CACNG3: variants seen among roughly 807,000 people sequenced by gnomAD.
The protein encoded by CACNG3 is calcium voltage-gated channel auxiliary subunit gamma 3, also known as voltage-dependent calcium channel gamma-3 subunit.
Under a neutral mutation model 28.5 loss-of-function variants are expected in CACNG3, and 3 were observed. That is an observed-to-expected ratio of 0.11 (90% CI 0.05 to 0.27). The LOEUF (loss-of-function observed/expected upper bound fraction) is 0.27. Among genes scored for constraint, CACNG3 ranks in the 10% least tolerant of loss-of-function variants. The pLI is 1.00. For missense variants in CACNG3, 236 were observed against 414.4 expected (o/e 0.57, Z 3.74); for synonymous variants, 174 against 162.2 (o/e 1.07, Z -0.55).
intron 1 of CACNG3, among the ~76,000 whole-genome samples, chr16:24,257,401 GAGAGAGAGAGAGAGAGAGAGA>G (rs1898478127): frequency 6.8e-6 from 1 of 146,658 alleles, no homozygotes; most frequent in African/African-American, 2.5e-5. Context: ...GAGAGAGAGA[GAGAGAGAGAGAGAGAGAGAGA>G]GAGAGATCCT....
At chr16:24,272,430 C>T (rs1462897518) in intron 1 of CACNG3, among the ~76,000 whole-genome samples, 1 of 151,646 alleles carries the variant, frequency 6.6e-6, no homozygotes, top group Non-Finnish European at 1.5e-5. Context: ...TTTTTTCTTT[C>T]AGTTCAAATT....
At chr16:24,354,715 G>A in intron 2 of CACNG3, 118 bp from the exon 3 acceptor site, 2 of 1,004,346 alleles carry the variant, frequency 2.0e-6, no homozygotes, top group Non-Finnish European at 3.0e-6. Context: ...GCCCGTGTTA[G>A]ACATGGGCTC....
At position 24,303,284 on chromosome 16, in the gene CACNG3, C is replaced by T. The variant is rs116009812; in HGVS notation, c.212-43450C>T. Reference sequence around the variant, plus strand: ...CTTGGGTCCACAGTTATTGCATTCCCACTACCTAGAAAGGTCTTCTCATGG... The same window carrying T: ...CTTGGGTCCACAGTTATTGCATTCCTACTACCTAGAAAGGTCTTCTCATGG... On this transcript the variant is annotated intron_variant, in intron 1 of 3. Coordinates refer to ENST00000005284, the MANE Select transcript of CACNG3 (RefSeq NM_006539.4). Among the ~76,000 whole-genome samples the T allele has an allele frequency of 7.7e-3, 1,176 of 152,246 alleles. 16 individuals are homozygous for T. The highest frequency in any genetic ancestry group is 0.027 in the African/African-American group (1,136 of 41,546).
chr16:24,315,218 T>C (rs2238511), intron 1 of CACNG3, among the ~76,000 whole-genome samples: 43,640 of 152,124 alleles, frequency 0.29, 6,678 homozygotes, highest in African/African-American at 0.4. Context: ...AGTGTCCTAC[T>C]GCCAACTGGT....
chr16:24,336,069 C>A (rs1471776273), intron 1 of CACNG3, among the ~76,000 whole-genome samples: 2 of 151,830 alleles, frequency 1.3e-5, no homozygotes, highest in African/African-American at 4.8e-5. Flanking sequence ...AACCCTAGGC[C>A]CTGAGCTCTT....
Position 24,355,220 on chromosome 16 carries a change from G to A in CACNG3, c.436+247G>A, listed in dbSNP as rs565300712. On this transcript the variant is annotated intron_variant, in intron 3 of 3. Transcript: ENST00000005284. Reference sequence around the variant, plus strand: ...CGATCAGCTGAGATTGAAAGAGAGAGAGGGAAGAAGAAAGGGGCAGGAGAG... The same window carrying A: ...CGATCAGCTGAGATTGAAAGAGAGAAAGGGAAGAAGAAAGGGGCAGGAGAG... 3.3e-5 allele frequency among the ~76,000 whole-genome samples: 5 copies of A among 152,306 alleles called. No individual in the cohort carries two copies. The East Asian group carries it at 9.6e-4, about 29-fold the overall frequency.
intron 1 of CACNG3, among the ~76,000 whole-genome samples, chr16:24,270,520 T>C (rs911583526): frequency 1.1e-4 from 17 of 152,220 alleles, no homozygotes; most frequent in African/African-American, 4.1e-4. Context: ...CTGCGCAGCA[T>C]AATAATTGCT....
chr16:24,308,839 CAAAAAAA>C (rs71154298), intron 1 of CACNG3, among the ~76,000 whole-genome samples: 437 of 27,248 alleles, frequency 0.016, 2 homozygotes, highest in Middle Eastern at 0.045. Context: ...GAACCTACCT[CAAAAAAA>C]AAAAAAAAAA....
At chr16:24,293,903 T>G (rs896015470) in intron 1 of CACNG3, among the ~76,000 whole-genome samples, 5 of 152,058 alleles carry the variant, frequency 3.3e-5, no homozygotes, top group Non-Finnish European at 5.9e-5. Context: ...AAAATATGGG[T>G]GAAAAAAAAT....
chr16:24,346,591 AG>A lies in CACNG3; in HGVS notation c.212-141del. 9 of 615,340 alleles carry A rather than the reference AG, an allele frequency of 1.5e-5. No homozygotes were observed. The South Asian group carries it at 1.8e-4, about 12-fold the overall frequency. 38.1% of individuals were successfully genotyped at this position (615,340 alleles called of 1,614,324 possible). A position where few individuals can be genotyped will look rare whatever the true frequency, so the allele number is the denominator to read the frequency against. ...AGACCCTGTCTCTAATAAAAAATAAAGGTGCTCTTGGGCCTACCAGCCCAAC... is the reference window on the plus strand; with the variant it reads ...AGACCCTGTCTCTAATAAAAAATAAAGTGCTCTTGGGCCTACCAGCCCAAC... On this transcript the variant is annotated intron_variant, in intron 1 of 3. Transcript: ENST00000005284.
chr16:24,320,170 T>A (rs1440525290), intron 1 of CACNG3, among the ~76,000 whole-genome samples: 1 of 152,212 alleles, frequency 6.6e-6, no homozygotes. Flanking sequence ...GAATGCGTGA[T>A]CTGCTGTGCT....
In CACNG3 at chr16:24,361,365, C is replaced by T. The variant is rs1403535923; in HGVS notation, c.450C>T (p.Ile150=). The part of the protein sequence containing the change: ...IFFVSAGLSN[I]IGIIVYISAN... Reference sequence around the variant, plus strand: ...CCCTTCTCTTAGGGTTAAGCAACATCATTGGCATCATAGTTTATATATCAG... The same window carrying T: ...CCCTTCTCTTAGGGTTAAGCAACATTATTGGCATCATAGTTTATATATCAG... The change falls in exon 4 of 4, where the codon ATC becomes ATT. Residue 150 remains isoleucine (I), a synonymous_variant. Coordinates refer to ENST00000005284, the MANE Select transcript of CACNG3 (RefSeq NM_006539.4). The surrounding 1 kb of genome is among the most constrained non-coding windows in gnomAD (Gnocchi z 6.8). 12 of 1,600,850 alleles carry T rather than the reference C, an allele frequency of 7.5e-6. No individual in the cohort carries two copies. The highest frequency in any genetic ancestry group is 9.4e-6 in the Non-Finnish European group (11 of 1,174,082).
rs537978727 is a variant in CACNG3, at chr16:24,288,175, C to A, written c.211+31210C>A. 1.4e-4 allele frequency among the ~76,000 whole-genome samples: 21 copies of A among 152,122 alleles called. No individual in the cohort carries two copies. The East Asian group carries it at 3.7e-3, about 27-fold the overall frequency. Reference sequence around the variant, plus strand: ...GGATAACTTTGCTAGGATTGCAGAGCTAGAAGTGATGGTGATGGTGATGGT... The same window carrying A: ...GGATAACTTTGCTAGGATTGCAGAGATAGAAGTGATGGTGATGGTGATGGT... On this transcript the variant is annotated intron_variant, in intron 1 of 3. Transcript: ENST00000005284.
At chr16:24,321,454 T>G (rs1184388782) in intron 1 of CACNG3, among the ~76,000 whole-genome samples, 1 of 151,936 alleles carries the variant, frequency 6.6e-6, no homozygotes, top group Non-Finnish European at 1.5e-5. Flanking sequence ...AATAAATAAA[T>G]AAATAAATAA....
chr16:24,263,764 T>G (rs1898563989), intron 1 of CACNG3, among the ~76,000 whole-genome samples: 1 of 152,238 alleles, frequency 6.6e-6, no homozygotes, highest in South Asian at 2.1e-4. Flanking sequence ...GTTTCCTTCA[T>G]TTCTTCTTAC....
intron 1 of CACNG3, among the ~76,000 whole-genome samples, chr16:24,309,315 A>G (rs1014300557): frequency 1.3e-5 from 2 of 152,176 alleles, no homozygotes; most frequent in African/African-American, 2.4e-5. Flanking sequence ...AGTCTCAGAG[A>G]GGTTAAGTAA....
chr16:24,361,776 T>G lies in CACNG3; in HGVS notation c.861T>G (p.Ala287=), dbSNP rs1249697064. The G allele has an allele frequency of 6.2e-7, 1 of 1,614,056 alleles. No homozygotes were observed. Among genetic ancestry groups the G allele is most frequent in the African/African-American group, 1.3e-5 (1 of 75,006 alleles). ...TCCTCAACTCCGACCGGGACCACGC[T>G]TTTCTACAGTTCCACAATTCCACAC... ...GTLLNSDRDH[A]FLQFHNSTPK... Residue 287 remains alanine, a synonymous_variant, in exon 4 of 4, where the codon GCT becomes GCG. Coordinates refer to ENST00000005284, the MANE Select transcript of CACNG3 (RefSeq NM_006539.4). This position sits in a 1 kb window ranked among gnomAD's most constrained non-coding sequence, Gnocchi z 6.8.
Position 24,361,796 on chromosome 16 carries a change from C to A in CACNG3, c.881C>A (p.Ser294Tyr). 6.2e-7 allele frequency: 1 copy of A among 1,613,984 alleles called. No homozygotes were observed. The highest frequency in any genetic ancestry group is 1.3e-5 in the African/African-American group (1 of 75,024). The change falls in exon 4 of 4, where the codon TCC becomes TAC. Residue 294 changes from serine to tyrosine, a missense_variant. Ser to Tyr is a moderately radical substitution (Grantham distance 144). Coordinates refer to ENST00000005284, the MANE Select transcript of CACNG3 (RefSeq NM_006539.4). This position sits in a 1 kb window ranked among gnomAD's most constrained non-coding sequence, Gnocchi z 6.8. ...RDHAFLQFHNSTPKEFKESLH... is the reference protein window; with the variant it reads ...RDHAFLQFHNYTPKEFKESLH... The stretch of plus-strand genomic sequence containing the variant: ...CACGCTTTTCTACAGTTCCACAATT[C>A]CACACCCAAAGAGTTCAAAGAGTCA...
chr16:24,260,591 G>A (rs1898524180), intron 1 of CACNG3, among the ~76,000 whole-genome samples: 1 of 152,150 alleles, frequency 6.6e-6, no homozygotes, highest in Non-Finnish European at 1.5e-5. Context: ...TGCTTTGGTG[G>A]GTAGCCTGCT....
Sources: gnomAD v4.1 joint callset for allele counts (sites outside exome capture counted in the v4.1 genomes callset) on GRCh38, gnomAD v4.1.1 for gene constraint, Gnocchi (gnomAD v3.1) non-coding constraint, MANE v1.5 for transcripts, NCBI Gene and HGNC (gene_info 2026-07-23, HGNC 2026-07-21) for gene names.